The following SUGCT variants were observed in gnomAD, a reference collection of about 807,000 sequenced individuals.
SUGCT encodes the protein succinyl-CoA:glutarate-CoA transferase, also known as succinyl-CoA:glutarate CoA-transferase.
Under a neutral mutation model 55.0 loss-of-function variants are expected in SUGCT, and 41 were observed. The ratio of observed to expected loss-of-function variants is 0.74; its 90% CI spans 0.58 to 0.97. The LOEUF (loss-of-function observed/expected upper bound fraction) is 0.97, where lower values mean the gene tolerates loss of function less well. SUGCT is among the 50% of genes least tolerant of loss of function. The pLI, the probability that SUGCT is intolerant of heterozygous loss-of-function variation, is 0.00. For synonymous variants in SUGCT, 187 were observed against 200.4 expected, an observed-to-expected ratio of 0.93 and a Z score of 0.56; for missense variants, 568 against 547.8, an observed-to-expected ratio of 1.04 and a Z score of -0.37.
At chr7:40,324,991 T>G (rs1044781590) in intron 9 of SUGCT, among the ~76,000 whole-genome samples, 1 of 152,182 alleles carries the variant, frequency 6.6e-6, no homozygotes, top group African/African-American at 2.4e-5. Context: ...TTGTTCCAAT[T>G]TGGGCTTATT....
At chr7:40,315,598 A>T (rs1259736086) in intron 8 of SUGCT, among the ~76,000 whole-genome samples, 5 of 152,234 alleles carry the variant, frequency 3.3e-5, no homozygotes, top group Admixed American at 6.5e-5. Flanking sequence ...GATTCATCCA[A>T]GCTGAGTCCT....
chr7:41,000,931 T>C, the SUGCT span, among the ~76,000 whole-genome samples: 1 of 152,148 alleles, frequency 6.6e-6, no homozygotes, highest in African/African-American at 2.4e-5. Flanking sequence ...TATATAGTCA[T>C]GCTACTTACT....
In SUGCT at chr7:40,429,998, G is replaced by A. The variant is rs139505463; in HGVS notation, c.817-19289G>A. ...AGGCTTATCTAAGTTGTGGCATTTC[G>A]CAAGTTCTTGTTCTTTTTTAAAAGC... On this transcript the variant is annotated intron_variant, in intron 9 of 13. Transcript: ENST00000335693. 4.0e-3 allele frequency among the ~76,000 whole-genome samples: 613 copies of A among 152,160 alleles called. 3 individuals are homozygous for A. Among genetic ancestry groups the A allele is most frequent in the African/African-American group, 0.014 (579 of 41,522 alleles).
chr7:40,630,074 G>T (rs1368732476), intron 12 of SUGCT, among the ~76,000 whole-genome samples: 1 of 152,172 alleles, frequency 6.6e-6, no homozygotes, highest in Non-Finnish European at 1.5e-5. Context: ...CTAAGGCATG[G>T]AACACTCCTC....
chr7:40,886,781 A>G, the SUGCT span, among the ~76,000 whole-genome samples: 1 of 152,212 alleles, frequency 6.6e-6, no homozygotes, highest in Admixed American at 6.5e-5. Flanking sequence ...ATCCCAGCAT[A>G]TGCTTTAGGA....
intron 8 of SUGCT, among the ~76,000 whole-genome samples, chr7:40,296,409 A>AC (rs1197732560): frequency 1.4e-4 from 22 of 152,186 alleles, no homozygotes; most frequent in African/African-American, 5.3e-4. Context: ...AATGTTGTGT[A>AC]CCCATGTTTC....
At chr7:40,167,534 G>A (rs774759910) in intron 1 of SUGCT, among the ~76,000 whole-genome samples, 2 of 152,166 alleles carry the variant, frequency 1.3e-5, no homozygotes, top group East Asian at 3.9e-4. Flanking sequence ...CAAGCCTTTT[G>A]TTCTCTGACC....
intron 12 of SUGCT, among the ~76,000 whole-genome samples, chr7:40,531,301 A>C (rs928749947): frequency 7.9e-5 from 12 of 152,308 alleles, no homozygotes; most frequent in African/African-American, 2.9e-4. Flanking sequence ...TATTTTACCC[A>C]TGAGGAAACA....
At chr7:40,203,604 G>A (rs1786745935) in intron 6 of SUGCT, among the ~76,000 whole-genome samples, 1 of 151,858 alleles carries the variant, frequency 6.6e-6, no homozygotes, top group South Asian at 2.1e-4. Context: ...GTGAAACCCC[G>A]TCTCTATTAA....
chr7:40,982,274 A>G, the SUGCT span, among the ~76,000 whole-genome samples: 1 of 152,210 alleles, frequency 6.6e-6, no homozygotes, highest in African/African-American at 2.4e-5. Flanking sequence ...AGTTCAGTTC[A>G]CCACTGATCA....
At chr7:40,662,116 A>G (rs1801358044) in intron 12 of SUGCT, among the ~76,000 whole-genome samples, 1 of 152,226 alleles carries the variant, frequency 6.6e-6, no homozygotes, top group Non-Finnish European at 1.5e-5. Flanking sequence ...GGTGCCATCA[A>G]AGGCCTACTT....
chr7:40,513,524 A>T (rs1391886528), intron 12 of SUGCT, among the ~76,000 whole-genome samples: 1 of 152,080 alleles, frequency 6.6e-6, no homozygotes, highest in African/African-American at 2.4e-5. Context: ...CATTTCACTT[A>T]TTCTCAAATT....
intron 11 of SUGCT, among the ~76,000 whole-genome samples, chr7:40,492,429 C>T (rs1791737935): frequency 6.6e-6 from 1 of 152,188 alleles, no homozygotes; most frequent in African/African-American, 2.4e-5. Context: ...GTCTCACCTA[C>T]ATCAGCCCAT....
intron 1 of SUGCT, among the ~76,000 whole-genome samples, chr7:40,172,850 G>A (rs916828463): frequency 5.9e-5 from 9 of 152,188 alleles, no homozygotes; most frequent in Non-Finnish European, 1.0e-4. Context: ...TCACACCTGA[G>A]TGTTAAGTCC....
At chr7:41,020,344 T>C in the SUGCT span, among the ~76,000 whole-genome samples, 3 of 152,330 alleles carry the variant, frequency 2.0e-5, no homozygotes, top group East Asian at 5.8e-4. Context: ...CTACAAAGTA[T>C]GGTAGCTAAA....
intron 1 of SUGCT, chr7:40,151,747 G>A (rs532972646): frequency 6.3e-6 from 1 of 159,194 alleles, no homozygotes; most frequent in East Asian, 1.9e-4. Flanking sequence ...TAACTGCCCA[G>A]TGCATTCATT....
At chr7:40,400,906 A>G (rs1486377688) in intron 9 of SUGCT, among the ~76,000 whole-genome samples, 1 of 152,132 alleles carries the variant, frequency 6.6e-6, no homozygotes, top group Non-Finnish European at 1.5e-5. Flanking sequence ...TTGCACCCTT[A>G]CTTGAATGGT....
the SUGCT span, among the ~76,000 whole-genome samples, chr7:40,956,087 T>A: frequency 6.6e-6 from 1 of 152,166 alleles, no homozygotes; most frequent in Admixed American, 6.5e-5. Context: ...GCCTGAAATT[T>A]TCTTTTTTTG....
chr7:40,940,103 G>A, the SUGCT span, among the ~76,000 whole-genome samples: 1 of 152,030 alleles, frequency 6.6e-6, no homozygotes, highest in African/African-American at 2.4e-5. Flanking sequence ...TGGCTACCCA[G>A]TTTTCCCAGC....
Sources: allele counts gnomAD v4.1 joint callset (sites outside exome capture counted in the v4.1 genomes callset), GRCh38; gene constraint gnomAD v4.1.1; transcripts MANE v1.5; gene names NCBI Gene and HGNC (gene_info 2026-07-23, HGNC 2026-07-21).